The following CEP112 variants were observed in gnomAD, a reference collection of about 807,000 sequenced individuals.
The protein encoded by CEP112 is centrosomal protein of 112 kDa.
Under a neutral mutation model 153.0 loss-of-function variants are expected in CEP112, and 127 were observed. The observed-to-expected ratio is 0.83, with a 90% CI of 0.72 to 0.96. CEP112 has a LOEUF of 0.96. Among genes scored for constraint, CEP112 ranks in the 40% least tolerant of loss-of-function variants. The probability of loss-of-function intolerance (pLI) is 0.00; values close to 1 mark genes in which losing one functional copy is unlikely to be tolerated. For synonymous variants in CEP112, 358 were observed against 374.4 expected, an observed-to-expected ratio of 0.96 and a Z score of 0.51; for missense variants, 1,089 against 1,101.2, an observed-to-expected ratio of 0.99 and a Z score of 0.16.
chr17:65,916,037 T>C (rs563845308), intron 19 of CEP112, among the ~76,000 whole-genome samples: 1 of 152,280 alleles, frequency 6.6e-6, no homozygotes, highest in African/African-American at 2.4e-5. Flanking sequence ...CTCAGGTTTT[T>C]GTATGGTTTC....
intron 22 of CEP112, among the ~76,000 whole-genome samples, chr17:65,746,177 A>AAG (rs2051447054): frequency 6.6e-6 from 1 of 150,498 alleles, no homozygotes; most frequent in Non-Finnish European, 1.5e-5. Context: ...AAAAAAAAAA[A>AAG]AAAAAAAAAA....
intron 24 of CEP112, among the ~76,000 whole-genome samples, chr17:65,663,595 T>G (rs2046515921): frequency 6.6e-6 from 1 of 152,156 alleles, no homozygotes; most frequent in African/African-American, 2.4e-5. Flanking sequence ...ATGGTGGAGC[T>G]GCCTAGGAAA....
chr17:65,956,154 G>A (rs1215267207), intron 18 of CEP112, among the ~76,000 whole-genome samples: 3 of 152,026 alleles, frequency 2.0e-5, no homozygotes, highest in African/African-American at 7.2e-5. Context: ...ATACTGGTGG[G>A]AATGTAAAGT....
chr17:66,161,889 T>C (rs989623304), intron 4 of CEP112, among the ~76,000 whole-genome samples: 2 of 44,190 alleles, frequency 4.5e-5, no homozygotes, highest in Admixed American at 7.2e-4. Flanking sequence ...ACATATCACA[T>C]TACACTGTAA....
intron 18 of CEP112, among the ~76,000 whole-genome samples, chr17:65,951,740 C>CGTG (rs1177754827): frequency 9.4e-6 from 1 of 106,408 alleles, no homozygotes; most frequent in Non-Finnish European, 2.0e-5. Context: ...CTAATCTTCC[C>CGTG]CCGCCCCCCC....
In CEP112 at chr17:65,682,944, G is replaced by A. The variant is rs552651922; in HGVS notation, c.2697+6185C>T. The stretch of plus-strand genomic sequence containing the variant: ...TTGTTTTGATGTTCCCAAGAACCCT[G>A]TGGGAAGATATTTTACTAACATTTT... On this transcript the variant is annotated intron_variant, in intron 24 of 26. Transcript: ENST00000535342. Among the ~76,000 whole-genome samples, 5 of 152,334 alleles carry A rather than the reference G, an allele frequency of 3.3e-5. No homozygotes were observed. The South Asian group carries it at 1.0e-3, about 32-fold the overall frequency.
intron 18 of CEP112, among the ~76,000 whole-genome samples, chr17:65,948,650 TAC>T (rs1456306744): frequency 6.6e-6 from 1 of 151,990 alleles, no homozygotes; most frequent in Non-Finnish European, 1.5e-5. Context: ...ATGTACATTT[TAC>T]ACAGTTAGTT....
intron 17 of CEP112, among the ~76,000 whole-genome samples, chr17:65,999,497 G>C (rs539626259): frequency 6.6e-6 from 1 of 151,824 alleles, no homozygotes; most frequent in Admixed American, 6.6e-5. Flanking sequence ...CACCACGCCC[G>C]GCCAGAAATT....
chr17:65,725,519 G>A (rs978520181), intron 23 of CEP112, among the ~76,000 whole-genome samples: 4 of 152,274 alleles, frequency 2.6e-5, no homozygotes, highest in African/African-American at 9.6e-5. Context: ...GTTTCACCAC[G>A]TTGGCCAGGC....
chr17:65,963,690 T>C (rs1376278130), intron 17 of CEP112, among the ~76,000 whole-genome samples: 2 of 151,998 alleles, frequency 1.3e-5, no homozygotes, highest in Admixed American at 6.6e-5. Flanking sequence ...TGTGTGTGTG[T>C]GTGTGTGTGT....
intron 23 of CEP112, among the ~76,000 whole-genome samples, chr17:65,689,988 G>A (rs531607658): frequency 2.2e-4 from 33 of 151,992 alleles, no homozygotes; most frequent in Non-Finnish European, 2.6e-4. Context: ...CAGAATGCAT[G>A]GGGTGGTAAC....
At chr17:65,798,804 T>G (rs553822015) in intron 21 of CEP112, among the ~76,000 whole-genome samples, 2 of 152,318 alleles carry the variant, frequency 1.3e-5, no homozygotes, top group African/African-American at 2.4e-5. Context: ...ATGAACTATG[T>G]GACCATGGTT....
intron 21 of CEP112, among the ~76,000 whole-genome samples, chr17:65,781,991 C>A (rs1417246689): frequency 6.6e-6 from 1 of 152,028 alleles, no homozygotes; most frequent in East Asian, 1.9e-4. Flanking sequence ...GCAACAGAAA[C>A]AAAAATTGAC....
chr17:65,977,252 G>A (rs548227845), intron 17 of CEP112, among the ~76,000 whole-genome samples: 13 of 152,024 alleles, frequency 8.6e-5, no homozygotes, highest in Non-Finnish European at 1.5e-4. Context: ...ACAACTACTC[G>A]ACACTTTAGC....
intron 21 of CEP112, among the ~76,000 whole-genome samples, chr17:65,771,310 G>T (rs1484865116): frequency 2.0e-5 from 3 of 152,042 alleles, no homozygotes; most frequent in African/African-American, 7.2e-5. Context: ...ATTTCACAAT[G>T]ATAAAAATTG....
chr17:65,747,095 G>T (rs1156423874), intron 22 of CEP112, among the ~76,000 whole-genome samples: 1 of 151,716 alleles, frequency 6.6e-6, no homozygotes, highest in Non-Finnish European at 1.5e-5. Flanking sequence ...CCTAAATAGG[G>T]GTTAGGATTT....
At chr17:65,913,479 CA>C (rs201860299) in intron 19 of CEP112, 3 of 984,840 alleles carry the variant, frequency 3.0e-6, no homozygotes, top group Non-Finnish European at 3.6e-6. Context: ...GAAATAGGCA[CA>C]AAAAAATTGT....
At chr17:65,701,282 G>A (rs758971214) in intron 23 of CEP112, among the ~76,000 whole-genome samples, 1 of 152,186 alleles carries the variant, frequency 6.6e-6, no homozygotes, top group African/African-American at 2.4e-5. Flanking sequence ...GAATGACTCT[G>A]AGGCTTTCAG....
chr17:65,799,602 T>C (rs539737110), intron 21 of CEP112, among the ~76,000 whole-genome samples: 3 of 152,276 alleles, frequency 2.0e-5, no homozygotes, highest in South Asian at 2.1e-4. Flanking sequence ...ACTGTGGCAA[T>C]AGTCAAAGAG....
Sources: gnomAD v4.1 joint callset for allele counts (sites outside exome capture counted in the v4.1 genomes callset) on GRCh38, gnomAD v4.1.1 for gene constraint, MANE v1.5 for transcripts, NCBI Gene and HGNC (gene_info 2026-07-23, HGNC 2026-07-21) for gene names.